Variants in NDC80 observed in about 807,000 individuals in gnomAD.
NDC80 encodes NDC80 kinetochore complex component, also known as kinetochore protein NDC80 homolog.
Under a neutral mutation model 89.3 loss-of-function variants are expected in NDC80, and 69 were observed. The ratio of observed to expected loss-of-function variants is 0.77; its 90% CI spans 0.64 to 0.94. NDC80 has a LOEUF of 0.94. Among genes scored for constraint, NDC80 ranks in the 40% least tolerant of loss-of-function variants. The pLI is 0.00. For missense variants in NDC80, 593 were observed against 739.6 expected, an observed-to-expected ratio of 0.80 and a Z score of 2.30; for synonymous variants, 243 against 255.6, an observed-to-expected ratio of 0.95 and a Z score of 0.47.
At chr18:2,613,968 G>A (rs2072758341) in intron 16 of NDC80, among the ~76,000 whole-genome samples, 1 of 152,118 alleles carries the variant, frequency 6.6e-6, no homozygotes, top group South Asian at 2.1e-4. Flanking sequence ...ACTTGAATGA[G>A]AATTTCACAA....
intron 11 of NDC80, among the ~76,000 whole-genome samples, chr18:2,598,256 C>A (rs931582114): frequency 1.1e-4 from 17 of 152,226 alleles, no homozygotes; most frequent in African/African-American, 4.1e-4. Context: ...ATGGAGGAAG[C>A]AGATTAAAAA....
At chr18:2,597,284 T>C (rs888930841) in intron 11 of NDC80, among the ~76,000 whole-genome samples, 4 of 152,170 alleles carry the variant, frequency 2.6e-5, no homozygotes, top group African/African-American at 7.2e-5. Context: ...AAGACTCTTC[T>C]TGTTTAGAAG....
At chr18:2,604,413 T>A (rs965341004) in intron 13 of NDC80, among the ~76,000 whole-genome samples, 1 of 152,232 alleles carries the variant, frequency 6.6e-6, no homozygotes, top group Non-Finnish European at 1.5e-5. Context: ...CCGGGCATAG[T>A]GGCTCACGCC....
In NDC80 at chr18:2,604,931, A is replaced by G. The variant is rs373929264; in HGVS notation, c.1465-1484A>G. ...ATAGATGAGAGGTGCATGAGACGAG[A>G]CCATGCAATTAAGAGACCTATCAAT... On this transcript the variant is annotated intron_variant, in intron 13 of 16. Transcript: ENST00000261597. Among the ~76,000 whole-genome samples, 3 of 152,322 alleles carry G rather than the reference A, an allele frequency of 2.0e-5. No homozygotes were observed. The East Asian group carries it at 5.8e-4, about 29-fold the overall frequency.
At chr18:2,615,148 A>G (rs2072778856) in intron 16 of NDC80, 1 of 152,198 alleles carries the variant, frequency 6.6e-6, no homozygotes, top group Non-Finnish European at 1.5e-5. Flanking sequence ...TAAGCCACCT[A>G]GTTTGTGGCA....
chr18:2,591,910 A>G (rs762302437), intron 10 of NDC80, among the ~76,000 whole-genome samples: 1 of 152,040 alleles, frequency 6.6e-6, no homozygotes, highest in Non-Finnish European at 1.5e-5. Flanking sequence ...GCACGCCACC[A>G]TGCCCGGCTA....
At chr18:2,603,904 T>G (rs749071005) in intron 13 of NDC80, among the ~76,000 whole-genome samples, 5 of 152,214 alleles carry the variant, frequency 3.3e-5, no homozygotes, top group African/African-American at 4.8e-5. Context: ...ATGTAAATTA[T>G]CATAGAGCAT....
intron 2 of NDC80, among the ~76,000 whole-genome samples, chr18:2,573,672 G>A (rs964910476): frequency 6.6e-6 from 1 of 152,076 alleles, no homozygotes; most frequent in Non-Finnish European, 1.5e-5. Context: ...CTAGTACCGA[G>A]GTACAAGTTA....
intron 11 of NDC80, among the ~76,000 whole-genome samples, chr18:2,595,846 A>C (rs1022314629): frequency 2.0e-5 from 3 of 152,350 alleles, no homozygotes; most frequent in African/African-American, 7.2e-5. Flanking sequence ...AAAAGTAAAC[A>C]AAAAAGTCTC....
At chr18:2,590,556 T>C (rs2072622743) in intron 10 of NDC80, among the ~76,000 whole-genome samples, 1 of 152,210 alleles carries the variant, frequency 6.6e-6, no homozygotes, top group Admixed American at 6.5e-5. Flanking sequence ...CTACTACCTG[T>C]GTGAAATATC....
intron 3 of NDC80, 106 bp from the exon 4 acceptor site, chr18:2,577,640 C>T (rs2072553953): frequency 7.5e-6 from 9 of 1,192,880 alleles, no homozygotes; most frequent in Middle Eastern, 2.2e-4. Context: ...GTTATAAGAA[C>T]GTAATGTTTG....
chr18:2,580,731 A>AGTTTTTTTTTTTTTT (rs2072572788), intron 6 of NDC80, among the ~76,000 whole-genome samples: 1 of 55,420 alleles, frequency 1.8e-5, no homozygotes, highest in Admixed American at 3.8e-4. Flanking sequence ...TCACCATCAG[A>AGTTTTTTTTTTTTTT]TTTTTTTTTT....
intron 9 of NDC80, among the ~76,000 whole-genome samples, 158 bp from the exon 10 acceptor site, chr18:2,589,860 T>C (rs967745559): frequency 1.3e-5 from 2 of 151,690 alleles, no homozygotes; most frequent in Non-Finnish European, 2.9e-5. Flanking sequence ...AAACTGACAG[T>C]GTAGTCCCCT....
intron 8 of NDC80, 141 bp downstream of exon 8, chr18:2,588,064 G>T: frequency 1.6e-6 from 1 of 610,606 alleles, no homozygotes; most frequent in Non-Finnish European, 2.8e-6. Context: ...TTATCTTTGT[G>T]GTTTCTTTGG....
At chr18:2,608,649 A>T (rs1197834407) in intron 14 of NDC80, 51 bp from the exon 15 acceptor site, 6 of 1,562,682 alleles carry the variant, frequency 3.8e-6, no homozygotes, top group Non-Finnish European at 5.2e-6. Context: ...CACCTAGAGT[A>T]TACAGAATGT....
intron 7 of NDC80, among the ~76,000 whole-genome samples, chr18:2,586,363 T>C (rs900628589): frequency 6.6e-6 from 1 of 152,180 alleles, no homozygotes; most frequent in Non-Finnish European, 1.5e-5. Flanking sequence ...TCCTCCCACA[T>C]TGCAATATGT....
chr18:2,614,653 G>GAAAT lies in NDC80; in HGVS notation c.1792-1779_1792-1776dup, dbSNP rs768435234. ...AGAAAGAAAGAAAGAAAGAAAGAAA[G>GAAAT]AAATAAATTTGGCAATCCGAAAAAC... On this transcript the variant is annotated intron_variant, in intron 16 of 16. Coordinates refer to ENST00000261597, the MANE Select transcript of NDC80 (RefSeq NM_006101.3). Among the ~76,000 whole-genome samples the GAAAT allele has an allele frequency of 6.9e-4, 57 of 82,186 alleles. 15 individuals carry two copies. Among genetic ancestry groups the GAAAT allele is most frequent in the Non-Finnish European group, 1.2e-3 (45 of 36,234 alleles). 53.9% of individuals were successfully genotyped at this position (82,186 alleles called of 152,430 possible).
chr18:2,588,991 C>T (rs986336091), intron 8 of NDC80, among the ~76,000 whole-genome samples: 3 of 151,926 alleles, frequency 2.0e-5, no homozygotes, highest in South Asian at 2.1e-4. Flanking sequence ...TGGTGATAAG[C>T]GCTTTGGAGA....
chr18:2,601,567 A>T (rs534786970), intron 13 of NDC80, 82 bp downstream of exon 13: 1 of 574,374 alleles, frequency 1.7e-6, no homozygotes, highest in African/African-American at 1.9e-5. Context: ...ATGGTTTCTG[A>T]TTGCTAAGGA....
Sources: gnomAD v4.1 joint callset for allele counts (sites outside exome capture counted in the v4.1 genomes callset) on GRCh38, gnomAD v4.1.1 for gene constraint, MANE v1.5 for transcripts, NCBI Gene and HGNC (gene_info 2026-07-23, HGNC 2026-07-21) for gene names.